RBFOX1: variants seen among roughly 807,000 people sequenced by gnomAD.
RBFOX1 encodes the protein RNA binding protein fox-1 homolog 1.
In RBFOX1, 8 loss-of-function variants were observed where a neutral mutation model predicts 57.7. That is an observed-to-expected ratio of 0.14 (90% CI 0.08 to 0.25). The LOEUF is 0.25. Ranked by LOEUF, RBFOX1 falls within the 10% of genes least tolerant of loss-of-function variation. The pLI is 1.00. For missense variants in RBFOX1, 611 were observed against 548.5 expected (o/e 1.11, Z -1.14); for synonymous variants, 326 against 222.4 (o/e 1.47, Z -4.15).
chr16:5,544,475 C>T (rs899194029), intron 2 of RBFOX1, among the ~76,000 whole-genome samples: 5 of 151,994 alleles, frequency 3.3e-5, no homozygotes, highest in African/African-American at 1.2e-4. Flanking sequence ...TCCAATTTCA[C>T]TCTAAGAGAC....
At position 5,990,388 on chromosome 16, in the gene RBFOX1, G is replaced by A. The variant is rs557548701; in HGVS notation, c.351+123053G>A. Among the ~76,000 whole-genome samples, 7 of 152,292 alleles carry A rather than the reference G, an allele frequency of 4.6e-5. No individual in the cohort carries two copies. In the East Asian group the frequency reaches 1.4e-3, roughly 29 times the overall value. On this transcript the variant is annotated intron_variant, in intron 4 of 19. Coordinates refer to the RBFOX1 transcript ENST00000641259. ...AACAACATTATATACCATAGGCTGA[G>A]CACTGGACAAAGCATTTCAAGTACG...
chr16:7,105,094 C>G (rs1184182719), intron 4 of RBFOX1, among the ~76,000 whole-genome samples: 1 of 152,092 alleles, frequency 6.6e-6, no homozygotes, highest in South Asian at 2.1e-4. Context: ...AAGAGAGCAC[C>G]TCTGCCACTA....
chr16:6,565,341 C>G (rs892829194), intron 2 of RBFOX1, among the ~76,000 whole-genome samples: 6 of 151,940 alleles, frequency 3.9e-5, no homozygotes, highest in East Asian at 1.9e-4. Context: ...ACTGCAACCT[C>G]CATCTCCCAG....
At chr16:7,157,679 T>C (rs955654627) in intron 4 of RBFOX1, among the ~76,000 whole-genome samples, 5 of 152,160 alleles carry the variant, frequency 3.3e-5, no homozygotes, top group African/African-American at 1.2e-4. Context: ...CTACACGCCA[T>C]AGCCACTCTA....
chr16:6,325,428 A>T (rs1364431318), intron 2 of RBFOX1, among the ~76,000 whole-genome samples: 1 of 152,234 alleles, frequency 6.6e-6, no homozygotes, highest in East Asian at 1.9e-4. Flanking sequence ...ATTAGCTTTA[A>T]CACCTATGAG....
At chr16:7,556,768 C>T (rs765039596) in intron 5 of RBFOX1, among the ~76,000 whole-genome samples, 1 of 152,170 alleles carries the variant, frequency 6.6e-6, no homozygotes, top group Non-Finnish European at 1.5e-5. Context: ...ATAGAGGTAT[C>T]ATGGGGATAA....
At chr16:7,149,573 C>T (rs539593752) in intron 4 of RBFOX1, among the ~76,000 whole-genome samples, 1 of 151,030 alleles carries the variant, frequency 6.6e-6, no homozygotes, top group African/African-American at 2.4e-5. Context: ...GCAACCTCCT[C>T]CTCCCAGGCT....
intron 5 of RBFOX1, among the ~76,000 whole-genome samples, chr16:7,530,008 C>CAAAAAAAAA (rs35251344): frequency 2.4e-5 from 3 of 125,042 alleles, no homozygotes; most frequent in African/African-American, 6.0e-5. Context: ...GACTCCATCT[C>CAAAAAAAAA]AAAAAAAAAA....
At chr16:6,987,172 G>A (rs544153862) in intron 3 of RBFOX1, among the ~76,000 whole-genome samples, 35 of 152,104 alleles carry the variant, frequency 2.3e-4, no homozygotes, top group African/African-American at 7.7e-4. Context: ...TTTTGATAGA[G>A]GACTGAAGTG....
intron 5 of RBFOX1, among the ~76,000 whole-genome samples, chr16:7,569,338 C>A (rs114149478): frequency 0.011 from 1,703 of 152,252 alleles, 29 homozygotes; most frequent in African/African-American, 0.036. Flanking sequence ...ATAATTTGAT[C>A]TTTCCCCATG....
rs1475101989 is a variant in RBFOX1 at position 6,256,187 on chromosome 16, G to A, written c.-126-60808G>A. 5.1e-3 allele frequency among the ~76,000 whole-genome samples: 50 copies of A among 9,740 alleles called. 2 individuals carry two copies. The Non-Finnish European group carries it at 0.052, about 10-fold the overall frequency. 6.4% of individuals were successfully genotyped at this position (9,740 alleles called of 152,430 possible). ...TATATATATGTATATATATATATAC[G>A]TATATATATGTATATGTATATGTGT... On this transcript the variant is annotated intron_variant, in intron 1 of 15. Transcript: ENST00000550418.
intron 1 of RBFOX1, among the ~76,000 whole-genome samples, chr16:5,322,887 T>G (rs1269312070): frequency 6.6e-6 from 1 of 152,198 alleles, no homozygotes; most frequent in African/African-American, 2.4e-5. Flanking sequence ...TTGTTTTCAG[T>G]GGTTTCTCTT....
rs376050925 is a variant in RBFOX1, at chr16:5,917,737, C to T, written c.351+50402C>T. Among the ~76,000 whole-genome samples, 13 of 152,334 alleles carry T rather than the reference C, an allele frequency of 8.5e-5. No individual in the cohort carries two copies. In the East Asian group the frequency reaches 1.4e-3, roughly 16 times the overall value. The stretch of plus-strand genomic sequence containing the variant: ...ACATAACCTCTCCCTTGCTTCACCA[C>T]GTGATCCCTCAAATGTATTTTTTAA... On this transcript the variant is annotated intron_variant, in intron 4 of 19. Transcript: ENST00000641259.
intron 4 of RBFOX1, among the ~76,000 whole-genome samples, chr16:7,308,762 C>G (rs1034746785): frequency 1.3e-5 from 2 of 152,192 alleles, no homozygotes; most frequent in African/African-American, 4.8e-5. Context: ...AAGATGGGCT[C>G]TCGCGCGAAG....
intron 4 of RBFOX1, among the ~76,000 whole-genome samples, chr16:7,457,773 C>T (rs899184969): frequency 6.6e-6 from 1 of 151,984 alleles, no homozygotes; most frequent in African/African-American, 2.4e-5. Context: ...CTGGAAGGTT[C>T]TTCTTACGAG....
At chr16:7,363,536 C>T (rs917141941) in intron 4 of RBFOX1, among the ~76,000 whole-genome samples, 2 of 151,960 alleles carry the variant, frequency 1.3e-5, no homozygotes, top group African/African-American at 4.8e-5. Context: ...GTGGGCCTCT[C>T]AGCCTGGCAA....
At chr16:5,726,691 A>G (rs778024331) in intron 3 of RBFOX1, among the ~76,000 whole-genome samples, 11 of 152,192 alleles carry the variant, frequency 7.2e-5, no homozygotes, top group Non-Finnish European at 1.6e-4. Context: ...ATTATTTGCA[A>G]TGCTAATAGC....
chr16:6,805,175 A>G (rs921170673), intron 3 of RBFOX1, among the ~76,000 whole-genome samples: 9 of 152,192 alleles, frequency 5.9e-5, no homozygotes, highest in Non-Finnish European at 1.0e-4. Context: ...GCTAAAGAAA[A>G]TGTGGTACAT....
chr16:5,439,831 G>A (rs767502269), intron 1 of RBFOX1, among the ~76,000 whole-genome samples: 20 of 151,574 alleles, frequency 1.3e-4, no homozygotes, highest in Non-Finnish European at 2.5e-4. Flanking sequence ...AAGCAAACAT[G>A]TCCTTCTTCA....
Sources: allele counts gnomAD v4.1 joint callset (sites outside exome capture counted in the v4.1 genomes callset), GRCh38; gene constraint gnomAD v4.1.1; transcripts MANE v1.5; gene names NCBI Gene and HGNC (gene_info 2026-07-23, HGNC 2026-07-21).